BICRAL: variants seen among roughly 807,000 people sequenced by gnomAD.
BICRAL encodes BRD4-interacting chromatin-remodeling complex-associated protein-like.
In BICRAL, 8 loss-of-function variants were observed where a neutral mutation model predicts 91.8. The ratio of observed to expected loss-of-function variants is 0.09; its 90% CI spans 0.05 to 0.16. BICRAL has a LOEUF of 0.16. Ranked by LOEUF, BICRAL falls within the 10% of genes least tolerant of loss-of-function variation. The probability of loss-of-function intolerance (pLI) is 1.00; values close to 1 mark genes in which losing one functional copy is unlikely to be tolerated. For missense variants in BICRAL, 1,038 were observed against 1,310.9 expected, an observed-to-expected ratio of 0.79 and a Z score of 3.21; for synonymous variants, 445 against 491.1, an observed-to-expected ratio of 0.91 and a Z score of 1.24.
At chr6:42,803,858 T>C (rs1202483169) in intron 1 of BICRAL, among the ~76,000 whole-genome samples, 1 of 152,234 alleles carries the variant, frequency 6.6e-6, no homozygotes, top group Non-Finnish European at 1.5e-5. Context: ...CCAAGCTATA[T>C]GGTATAGCCT....
Position 42,866,974 on chromosome 6 carries a change from GTT to G in BICRAL, c.*1529_*1530del. Reference sequence around the variant, plus strand: ...CTGCTCGGATCCAGAGGTCATTTTTGTTACAGTGTGTGCACACTCACTCTCCT... The same window carrying G: ...CTGCTCGGATCCAGAGGTCATTTTTGACAGTGTGTGCACACTCACTCTCCT... On this transcript the variant is annotated 3_prime_UTR_variant, in exon 13 of 13. Coordinates refer to ENST00000314073, the MANE Select transcript of BICRAL (RefSeq NM_001393499.1). 3 of 428,440 alleles carry G rather than the reference GTT, an allele frequency of 7.0e-6. No homozygotes were observed. Among genetic ancestry groups the G allele is most frequent in the Admixed American group, 5.1e-5 (2 of 39,494 alleles). The allele number at this position is 428,440 out of a possible 1,614,324, so 26.5% of individuals were successfully genotyped here.
intron 1 of BICRAL, among the ~76,000 whole-genome samples, chr6:42,754,067 C>T (rs1213241550): frequency 1.3e-5 from 2 of 151,220 alleles, no homozygotes; most frequent in Non-Finnish European, 3.0e-5. Flanking sequence ...GCTGGGATTA[C>T]AGGCATGAGC....
intron 11 of BICRAL, among the ~76,000 whole-genome samples, chr6:42,862,200 C>T (rs1765573384): frequency 6.6e-6 from 1 of 151,860 alleles, no homozygotes; most frequent in Non-Finnish European, 1.5e-5. Flanking sequence ...TATATAGTTG[C>T]TACTATTTGG....
At chr6:42,761,523 T>G (rs1280818224) in intron 1 of BICRAL, among the ~76,000 whole-genome samples, 4 of 152,222 alleles carry the variant, frequency 2.6e-5, no homozygotes, top group Admixed American at 2.6e-4. Flanking sequence ...TTAACCTCTC[T>G]GAGCTTGGTT....
chr6:42,857,959 C>T (rs1765436936), intron 10 of BICRAL, among the ~76,000 whole-genome samples: 1 of 150,838 alleles, frequency 6.6e-6, no homozygotes, highest in Admixed American at 6.6e-5. Context: ...TAGGCGCCCA[C>T]CACCACGGCT....
At chr6:42,769,736 C>G (rs889624632) in intron 1 of BICRAL, among the ~76,000 whole-genome samples, 1 of 152,176 alleles carries the variant, frequency 6.6e-6, no homozygotes, top group Non-Finnish European at 1.5e-5. Flanking sequence ...CAAATCTGTT[C>G]ATAGCATTCT....
chr6:42,797,747 G>A (rs1351078516), intron 1 of BICRAL, among the ~76,000 whole-genome samples: 1 of 152,122 alleles, frequency 6.6e-6, no homozygotes, highest in African/African-American at 2.4e-5. Flanking sequence ...GCCAAAGCAG[G>A]TGGATCACCT....
At position 42,866,530 on chromosome 6, in the gene BICRAL, T is replaced by A. The variant is rs775175150; in HGVS notation, c.*1084T>A. On this transcript the variant is annotated 3_prime_UTR_variant, in exon 13 of 13. Coordinates refer to ENST00000314073, the MANE Select transcript of BICRAL (RefSeq NM_001393499.1). ...TGTTGTAATTTTTCAGTTTAAACTT[T>A]AAGGAGACTCTGGCCTTGTTTATGC... 5.1e-6 allele frequency: 1 copy of A among 196,376 alleles called. No individual in the cohort carries two copies. Among genetic ancestry groups the A allele is most frequent in the Admixed American group, 5.5e-5 (1 of 18,346 alleles). The allele number at this position is 196,376 out of a possible 1,614,324, so 12.2% of individuals were successfully genotyped here.
At chr6:42,820,364 T>C (rs2113936906) in intron 2 of BICRAL, among the ~76,000 whole-genome samples, 1 of 152,288 alleles carries the variant, frequency 6.6e-6, no homozygotes, top group South Asian at 2.1e-4. Flanking sequence ...AAAAGTAATA[T>C]CTCCTTTATA....
chr6:42,832,383 G>GTATGTATATATATATACATATA (rs983641269), intron 6 of BICRAL, among the ~76,000 whole-genome samples: 1 of 144,958 alleles, frequency 6.9e-6, no homozygotes, highest in African/African-American at 2.5e-5. Context: ...ATATATGTAT[G>GTATGTATATATATATACATATA]TATGTATATA....
At chr6:42,814,651 A>G (rs923834554) in intron 2 of BICRAL, among the ~76,000 whole-genome samples, 2 of 150,110 alleles carry the variant, frequency 1.3e-5, no homozygotes, top group African/African-American at 4.9e-5. Flanking sequence ...TTAGCCTCCC[A>G]AGTAGCTGGG....
At chr6:42,793,537 C>G (rs1336761997) in intron 1 of BICRAL, among the ~76,000 whole-genome samples, 1 of 151,434 alleles carries the variant, frequency 6.6e-6, no homozygotes, top group African/African-American at 2.4e-5. Context: ...GATCCACCAG[C>G]CTTGGCCTCC....
chr6:42,758,206 G>T lies in BICRAL; in HGVS notation c.-261+11183G>T, dbSNP rs371612388. Reference sequence around the variant, plus strand: ...TTGTTACAGTTTCCCATCTGGTCTCGTTACCCTTGGGCTTCCCTGAATCCC... The same window carrying T: ...TTGTTACAGTTTCCCATCTGGTCTCTTTACCCTTGGGCTTCCCTGAATCCC... On this transcript the variant is annotated intron_variant, in intron 1 of 14. Coordinates refer to the BICRAL transcript ENST00000614467. Among the ~76,000 whole-genome samples, 18 of 151,990 alleles carry T rather than the reference G, an allele frequency of 1.2e-4. No homozygotes were observed. In the East Asian group the frequency reaches 1.3e-3, roughly 11 times the overall value.
At chr6:42,836,085 C>A (rs1367213453) in intron 6 of BICRAL, among the ~76,000 whole-genome samples, 1 of 152,202 alleles carries the variant, frequency 6.6e-6, no homozygotes, top group Non-Finnish European at 1.5e-5. Flanking sequence ...TCCCCCAGAG[C>A]TATCCTCTGC....
At chr6:42,850,051 A>T (rs112375097) in intron 6 of BICRAL, among the ~76,000 whole-genome samples, 50 of 151,990 alleles carry the variant, frequency 3.3e-4, no homozygotes, top group African/African-American at 1.2e-3. Flanking sequence ...AATAAATAAA[A>T]TAAATAAATA....
At chr6:42,778,829 TG>T (rs1762838213), upstream of BICRAL, among the ~76,000 whole-genome samples, 1 of 149,132 alleles carries the variant, frequency 6.7e-6, no homozygotes, top group African/African-American at 2.5e-5. Flanking sequence ...TTTTGCGGGG[TG>T]GGGGAGGGAC....
intron 1 of BICRAL, among the ~76,000 whole-genome samples, chr6:42,807,005 A>T (rs1266141074): frequency 5.7e-5 from 8 of 141,234 alleles, no homozygotes; most frequent in African/African-American, 2.1e-4. Flanking sequence ...TAATTTTTGT[A>T]TTTTTAGTAG....
intron 1 of BICRAL, among the ~76,000 whole-genome samples, chr6:42,758,743 G>A (rs367698516): frequency 2.0e-5 from 3 of 151,768 alleles, no homozygotes; most frequent in African/African-American, 4.8e-5. Flanking sequence ...AAAGAATTGA[G>A]TGGCATCTAT....
chr6:42,781,141 A>G (rs1364283911), upstream of BICRAL, among the ~76,000 whole-genome samples: 1 of 152,128 alleles, frequency 6.6e-6, no homozygotes, highest in African/African-American at 2.4e-5. Context: ...CTTGGACCAA[A>G]GAATGTTAAA....
Sources: gnomAD v4.1 joint callset for allele counts (sites outside exome capture counted in the v4.1 genomes callset) on GRCh38, gnomAD v4.1.1 for gene constraint, MANE v1.5 for transcripts, NCBI Gene and HGNC (gene_info 2026-07-23, HGNC 2026-07-21) for gene names.